Variants in WDR76 observed in about 807,000 individuals in gnomAD.
WDR76 encodes WD repeat-containing protein 76.
A neutral mutation model predicts 70.2 loss-of-function variants in WDR76; 52 were observed. The ratio of observed to expected loss-of-function variants is 0.74; its 90% CI spans 0.59 to 0.93. WDR76 has a LOEUF of 0.93. WDR76 is among the 40% of genes least tolerant of loss of function. The pLI is 0.00. For synonymous variants in WDR76, 292 were observed against 271.1 expected (o/e 1.08, Z -0.76); for missense variants, 756 against 760.2 (o/e 0.99, Z 0.07).
rs746301572 is a variant in WDR76, at chr15:43,842,619, A to G, written c.835-9A>G. ...TAACTTAGTTCTTTCATCTCTCCCA[A>G]TGTTTCAGCCAAGTAGTAAGAACAC... On this transcript the variant is annotated splice_polypyrimidine_tract_variant and intron_variant, in intron 6 of 12. Transcript: ENST00000263795. 1.2e-5 allele frequency: 19 copies of G among 1,609,046 alleles called. No homozygotes were observed. Among genetic ancestry groups the G allele is most frequent in the East Asian group, 2.2e-5 (1 of 44,786 alleles).
At chr15:43,858,879 T>C in intron 11 of WDR76, 56 bp downstream of exon 11, 1 of 1,571,462 alleles carries the variant, frequency 6.4e-7, no homozygotes, top group South Asian at 1.2e-5. Flanking sequence ...ATAGCTACTG[T>C]GTCAGTAAAC....
At chr15:43,861,931 G>C (rs1442298980) in intron 12 of WDR76, among the ~76,000 whole-genome samples, 3 of 149,264 alleles carry the variant, frequency 2.0e-5, no homozygotes, top group African/African-American at 7.5e-5. Flanking sequence ...TCACCTCTTA[G>C]GTTCAAGCTA....
At chr15:43,841,201 G>GTTTTTTTTTTTT (rs910565504) in intron 5 of WDR76, among the ~76,000 whole-genome samples, 4 of 102,272 alleles carry the variant, frequency 3.9e-5, no homozygotes, top group Non-Finnish European at 7.9e-5. Context: ...TTGTTTTTTT[G>GTTTTTTTTTTTT]TTTTTTTTTT....
At position 43,851,249 on chromosome 15, in the gene WDR76, A is replaced by AAGAGC; in HGVS notation, c.1191+5_1191+6insGAGCA. On this transcript the variant is annotated splice_donor_region_variant and intron_variant, in intron 9 of 12. Transcript: ENST00000263795. Reference sequence around the variant, plus strand: ...TTCCAGGGCTATTTTTGAAGAGGTAAATGTTAATGTGTTTACATGCTGACT... The same window carrying AAGAGC: ...TTCCAGGGCTATTTTTGAAGAGGTAAAGAGCATGTTAATGTGTTTACATGCTGACT... 1 of 1,613,804 alleles carries AAGAGC rather than the reference A, an allele frequency of 6.2e-7. No homozygotes were observed. Among genetic ancestry groups the AAGAGC allele is most frequent in the Non-Finnish European group, 8.5e-7 (1 of 1,179,856 alleles).
intron 11 of WDR76, among the ~76,000 whole-genome samples, chr15:43,859,806 A>G (rs974811645): frequency 1.3e-5 from 2 of 152,188 alleles, no homozygotes; most frequent in African/African-American, 2.4e-5. Flanking sequence ...GCTTTCTACT[A>G]ATCTATTTAG....
chr15:43,860,009 G>T (rs895547316), intron 11 of WDR76, among the ~76,000 whole-genome samples: 1 of 152,182 alleles, frequency 6.6e-6, no homozygotes, highest in African/African-American at 2.4e-5. Context: ...CCAGCATTTC[G>T]GGAGGCTGAG....
At chr15:43,861,725 G>T (rs767129304) in intron 12 of WDR76, among the ~76,000 whole-genome samples, 4 of 152,038 alleles carry the variant, frequency 2.6e-5, no homozygotes, top group Non-Finnish European at 4.4e-5. Context: ...CTGTCTGAAG[G>T]TCTGTTTATT....
At chr15:43,847,589 T>C (rs1364037639) in intron 8 of WDR76, among the ~76,000 whole-genome samples, 2 of 151,990 alleles carry the variant, frequency 1.3e-5, no homozygotes, top group Non-Finnish European at 2.9e-5. Flanking sequence ...CCTGGCTAAT[T>C]TTTTTGTTTT....
chr15:43,836,234 C>T lies in WDR76; in HGVS notation c.608+18C>T. On this transcript the variant is annotated intron_variant, in intron 4 of 12. Coordinates refer to ENST00000263795, the MANE Select transcript of WDR76 (RefSeq NM_024908.4). ...TCCAAAAGGTAAAATATCTAGTTTGCAATGCCTGAACCATGATACATTGCT... is the reference window on the plus strand; with the variant it reads ...TCCAAAAGGTAAAATATCTAGTTTGTAATGCCTGAACCATGATACATTGCT... 1.2e-6 allele frequency: 2 copies of T among 1,605,136 alleles called. No individual in the cohort carries two copies. Among genetic ancestry groups the T allele is most frequent in the Non-Finnish European group, 1.7e-6 (2 of 1,175,790 alleles).
intron 5 of WDR76, among the ~76,000 whole-genome samples, chr15:43,840,280 C>G (rs1046310395): frequency 6.6e-6 from 1 of 151,356 alleles, no homozygotes; most frequent in Non-Finnish European, 1.5e-5. Context: ...GATTGTTTCT[C>G]CATTAAAAAA....
At chr15:43,835,179 A>T in intron 3 of WDR76, 29 bp downstream of exon 3, 1 of 1,603,936 alleles carries the variant, frequency 6.2e-7, no homozygotes. Context: ...TAAAAGCAAG[A>T]TGCAGGGCCG....
intron 2 of WDR76, among the ~76,000 whole-genome samples, chr15:43,828,585 G>C (rs1179859885): frequency 6.6e-6 from 1 of 152,154 alleles, no homozygotes; most frequent in Non-Finnish European, 1.5e-5. Context: ...TGAAAGGATT[G>C]ACTTAATCTT....
chr15:43,846,023 C>T (rs2087784308), intron 8 of WDR76, among the ~76,000 whole-genome samples: 1 of 149,838 alleles, frequency 6.7e-6, no homozygotes, highest in Non-Finnish European at 1.5e-5. Context: ...GCAAAGAAAA[C>T]TGAAGCAAAA....
rs936772471 is a variant in WDR76, at chr15:43,867,031, C to T, written c.*639C>T. ...GTGATCTAATGATACAGTTTTGATTCTATAGTAATTTGTGGCTTATTTTAT... is the reference window on the plus strand; with the variant it reads ...GTGATCTAATGATACAGTTTTGATTTTATAGTAATTTGTGGCTTATTTTAT... On this transcript the variant is annotated 3_prime_UTR_variant, in exon 13 of 13. Coordinates refer to ENST00000263795, the MANE Select transcript of WDR76 (RefSeq NM_024908.4). The T allele has an allele frequency of 6.6e-6, 1 of 152,126 alleles. No individual in the cohort carries two copies. The highest frequency in any genetic ancestry group is 2.4e-5 in the African/African-American group (1 of 41,414). 9.4% of individuals were successfully genotyped at this position (152,126 alleles called of 1,614,324 possible). A position where few individuals can be genotyped will look rare whatever the true frequency, so the allele number is the denominator to read the frequency against.
intron 2 of WDR76, among the ~76,000 whole-genome samples, chr15:43,834,394 A>G (rs1448240680): frequency 6.9e-6 from 1 of 145,548 alleles, no homozygotes; most frequent in Non-Finnish European, 1.5e-5. Flanking sequence ...CCCACCTCCC[A>G]GGTTCAAGCG....
intron 9 of WDR76, among the ~76,000 whole-genome samples, chr15:43,853,274 T>G (rs2087885998): frequency 6.6e-6 from 1 of 152,094 alleles, no homozygotes; most frequent in South Asian, 2.1e-4. Flanking sequence ...CACCGCAGCC[T>G]CTGCCTCCCA....
At chr15:43,831,213 A>G (rs2087583897) in intron 2 of WDR76, among the ~76,000 whole-genome samples, 2 of 152,208 alleles carry the variant, frequency 1.3e-5, no homozygotes, top group Admixed American at 1.3e-4. Flanking sequence ...CCTGGGTGAC[A>G]GAGCAAGACT....
chr15:43,857,841 AAAAG>A (rs1360203033), intron 10 of WDR76, among the ~76,000 whole-genome samples: 1 of 151,172 alleles, frequency 6.6e-6, no homozygotes, highest in Non-Finnish European at 1.5e-5. Context: ...AAAAAAAAAA[AAAAG>A]TCTTTCTGTA....
At chr15:43,860,774 T>A (rs1162456140) in intron 11 of WDR76, among the ~76,000 whole-genome samples, 1 of 152,112 alleles carries the variant, frequency 6.6e-6, no homozygotes, top group Non-Finnish European at 1.5e-5. Flanking sequence ...CTCAAAGTGC[T>A]GAGATTACAG....
Sources: allele counts gnomAD v4.1 joint callset (sites outside exome capture counted in the v4.1 genomes callset), GRCh38; gene constraint gnomAD v4.1.1; transcripts MANE v1.5; gene names NCBI Gene and HGNC (gene_info 2026-07-23, HGNC 2026-07-21).